The following TRIM25 variants were observed in gnomAD, a reference collection of about 807,000 sequenced individuals.
The protein encoded by TRIM25 is tripartite motif containing 25.
TRIM25 carries 45 observed loss-of-function variants against 65.2 expected under a neutral mutation model. The ratio of observed to expected loss-of-function variants is 0.69; its 90% CI spans 0.54 to 0.89. TRIM25 has a LOEUF of 0.89. Among genes scored for constraint, TRIM25 ranks in the 40% least tolerant of loss-of-function variants. The pLI is 0.00. For missense variants in TRIM25, 714 were observed against 803.7 expected (o/e 0.89, Z 1.35); for synonymous variants, 321 against 340.4 (o/e 0.94, Z 0.63).
chr17:56,896,087 C>T, intron 5 of TRIM25, 135 bp from the exon 6 acceptor site: 1 of 981,478 alleles, frequency 1.0e-6, no homozygotes, highest in Non-Finnish European at 1.5e-6. Context: ...CAGAAGGAGT[C>T]AGCAGGCAAA....
Position 56,901,454 on chromosome 17 carries a change from C to A in TRIM25, c.1052G>T (p.Cys351Phe). The A allele has an allele frequency of 6.2e-7, 1 of 1,614,128 alleles. No individual in the cohort carries two copies. The change falls in exon 4 of 9, where the codon TGC (cysteine) becomes TTC (phenylalanine). Residue 351 changes from cysteine (C) to phenylalanine (F), a missense_variant. Around this residue, in one of 3 missense-constraint regions of TRIM25, gnomAD observed 413 missense variants for 498.2 expected, o/e 0.83. Coordinates refer to ENST00000316881, the MANE Select transcript of TRIM25 (RefSeq NM_005082.5). ...GGTGGGCTCCTGGAGCCGCCCGATGCACTGCTTCAGCTCGTTTTTGAGGTC... is the reference window on the plus strand; with the variant it reads ...GGTGGGCTCCTGGAGCCGCCCGATGAACTGCTTCAGCTCGTTTTTGAGGTC... ...TIDLKNELKQ[C>F]IGRLQEPTPS... is the part of the protein sequence containing the mutation.
At chr17:56,897,389 C>A (rs767167854) in intron 5 of TRIM25, among the ~76,000 whole-genome samples, 9 of 151,864 alleles carry the variant, frequency 5.9e-5, no homozygotes, top group South Asian at 2.1e-4. Context: ...CTCCCCCAGA[C>A]CCCCATCACA....
In TRIM25 at chr17:56,895,965, G is replaced by A. The variant is rs1236460456; in HGVS notation, c.1154-13C>T. 1.2e-6 allele frequency: 2 copies of A among 1,610,712 alleles called. No individual in the cohort carries two copies. Among genetic ancestry groups the A allele is most frequent in the South Asian group, 1.1e-5 (1 of 90,100 alleles). ...TTCTTTTCCTCTTCTGCAAAAGAAA[G>A]TTTTCAGATTTAATTTCTTTTAAGG... On this transcript the variant is annotated splice_polypyrimidine_tract_variant and intron_variant, in intron 5 of 8. Transcript: ENST00000316881.
chr17:56,890,696 G>C lies in TRIM25; in HGVS notation c.*1004C>G. On this transcript the variant is annotated 3_prime_UTR_variant, in exon 9 of 9. Transcript: ENST00000316881. ...TGCTAGCCTCGGTGGTACCTGCACT[G>C]TCATTCCATATGTCACAATCCAGGG... The C allele has an allele frequency of 2.2e-6, 1 of 456,546 alleles. No homozygotes were observed. The highest frequency in any genetic ancestry group is 4.4e-6 in the Non-Finnish European group (1 of 226,924). The allele number at this position is 456,546 out of a possible 1,614,324, so 28.3% of individuals were successfully genotyped here. A position where few individuals can be genotyped will look rare whatever the true frequency, so the allele number is the denominator to read the frequency against.
At chr17:56,894,481 C>T (rs1200763168) in intron 8 of TRIM25, among the ~76,000 whole-genome samples, 2 of 152,202 alleles carry the variant, frequency 1.3e-5, no homozygotes, top group African/African-American at 2.4e-5. Flanking sequence ...AACTCCTGAC[C>T]TCAGGTGATC....
chr17:56,903,426 A>T (rs2144357789), intron 3 of TRIM25, among the ~76,000 whole-genome samples: 1 of 152,156 alleles, frequency 6.6e-6, no homozygotes, highest in Middle Eastern at 3.4e-3. Context: ...TAAATAAATA[A>T]CTCAGTCTTA....
chr17:56,911,347 C>T (rs60854569), intron 1 of TRIM25, among the ~76,000 whole-genome samples: 6,029 of 151,540 alleles, frequency 0.04, 411 homozygotes, highest in African/African-American at 0.14. Flanking sequence ...TTTGGGAGGC[C>T]GAGGCGGGTG....
At position 56,908,511 on chromosome 17, in the gene TRIM25, G is replaced by C; in HGVS notation, c.650C>G (p.Ser217Trp). 6.2e-7 allele frequency: 1 copy of C among 1,614,008 alleles called. No individual in the cohort carries two copies. The highest frequency in any genetic ancestry group is 8.5e-7 in the Non-Finnish European group (1 of 1,180,032). The change falls in exon 2 of 9, where the codon TCG (serine) becomes TGG (tryptophan). Residue 217 changes from serine to tryptophan, a missense_variant. Ser to Trp is a radical substitution (Grantham distance 177). Coordinates refer to ENST00000316881, the MANE Select transcript of TRIM25 (RefSeq NM_005082.5). ...TVMYSQINGA[S>W]RALDDVRNRQ... Reference sequence around the variant, plus strand: ...GTTTCTCACATCATCCAGTGCTCTCGACGCCCCGTTGATCTGACTGTACAT... The same window carrying C: ...GTTTCTCACATCATCCAGTGCTCTCCACGCCCCGTTGATCTGACTGTACAT...
chr17:56,888,081 T>G lies in TRIM25; in HGVS notation c.*3619A>C, dbSNP rs899200068. 2 of 152,304 alleles carry G rather than the reference T, an allele frequency of 1.3e-5. No homozygotes were observed. Among genetic ancestry groups the G allele is most frequent in the African/African-American group, 4.8e-5 (2 of 41,462 alleles). The allele number at this position is 152,304 out of a possible 1,614,324, so 9.4% of individuals were successfully genotyped here. On this transcript the variant is annotated 3_prime_UTR_variant, in exon 9 of 9. Coordinates refer to ENST00000316881, the MANE Select transcript of TRIM25 (RefSeq NM_005082.5). ...CACAGCTTCACCACCCAGGAAGCTATGCTGAGCTTTAGTGTCCAGAGTTTT... is the reference window on the plus strand; with the variant it reads ...CACAGCTTCACCACCCAGGAAGCTAGGCTGAGCTTTAGTGTCCAGAGTTTT...
At chr17:56,909,586 G>A (rs1909587488) in intron 1 of TRIM25, among the ~76,000 whole-genome samples, 1 of 151,720 alleles carries the variant, frequency 6.6e-6, no homozygotes, top group Non-Finnish European at 1.5e-5. Context: ...TTAGGGGGCT[G>A]AGGCAGGAGG....
In TRIM25 at chr17:56,888,763, T is replaced by G. The variant is rs1909108688; in HGVS notation, c.*2937A>C. The G allele has an allele frequency of 1.3e-5, 2 of 152,190 alleles. No individual in the cohort carries two copies. Among genetic ancestry groups the G allele is most frequent in the South Asian group, 4.1e-4 (2 of 4,830 alleles). The allele number at this position is 152,190 out of a possible 1,614,324, so 9.4% of individuals were successfully genotyped here. On this transcript the variant is annotated 3_prime_UTR_variant, in exon 9 of 9. Coordinates refer to ENST00000316881, the MANE Select transcript of TRIM25 (RefSeq NM_005082.5). Reference sequence around the variant, plus strand: ...ACTCTATATAGGGCAGGACTAAGTGTGCTGGCTATAGGTCTGCAGAAATCT... The same window carrying G: ...ACTCTATATAGGGCAGGACTAAGTGGGCTGGCTATAGGTCTGCAGAAATCT...
In TRIM25 at chr17:56,891,846, A is replaced by T; in HGVS notation, c.1747T>A (p.Cys583Ser). Residue 583 changes from cysteine (C) to serine (S), a missense_variant, in exon 9 of 9, where the codon TGT becomes AGT. Coordinates refer to ENST00000316881, the MANE Select transcript of TRIM25 (RefSeq NM_005082.5). The stretch of plus-strand genomic sequence containing the variant: ...AAGAAGATGACAAAGCCGTGGTCAC[A>T]GTTGAGAAGCACGCCCACCCGCGTG... ...KATRVGVLLN[C>S]DHGFVIFFAV... 6.2e-7 allele frequency: 1 copy of T among 1,614,260 alleles called. No individual in the cohort carries two copies. Among genetic ancestry groups the T allele is most frequent in the Non-Finnish European group, 8.5e-7 (1 of 1,180,036 alleles).
chr17:56,913,141 A>C lies in TRIM25; in HGVS notation c.597+251T>G, dbSNP rs937478650. On this transcript the variant is annotated intron_variant, in intron 1 of 8. Coordinates refer to ENST00000316881, the MANE Select transcript of TRIM25 (RefSeq NM_005082.5). The surrounding 1 kb of genome is among the most constrained non-coding windows in gnomAD (Gnocchi z 6.1). ...GGTGAGAGGGACGAGACCCTGTCTC[A>C]AAAAAATAAAAATAAACACCATCAG... The C allele has an allele frequency of 2.8e-6, 1 of 360,748 alleles. No individual in the cohort carries two copies. The highest frequency in any genetic ancestry group is 4.9e-6 in the Non-Finnish European group (1 of 202,426). The allele number at this position is 360,748 out of a possible 1,614,324, so 22.3% of individuals were successfully genotyped here. A position where few individuals can be genotyped will look rare whatever the true frequency, so the allele number is the denominator to read the frequency against.
At chr17:56,895,752 A>G (rs1567838605) in intron 6 of TRIM25, 148 bp from the exon 7 acceptor site, 1 of 1,167,082 alleles carries the variant, frequency 8.6e-7, no homozygotes, top group Non-Finnish European at 1.2e-6. Context: ...CACCTTATTC[A>G]TCTCACTTAT....
intron 5 of TRIM25, 149 bp downstream of exon 5, chr17:56,898,966 A>G (rs1909354384): frequency 2.6e-6 from 2 of 781,110 alleles, no homozygotes; most frequent in Admixed American, 2.4e-5. Context: ...ACAGCCCTAC[A>G]GCCCCCCGCA....
chr17:56,890,024 C>G lies in TRIM25; in HGVS notation c.*1676G>C, dbSNP rs1909136166. ...TCAGGTGTGTAGCTGTCAGGAATAT[C>G]AAGTGTTCTGAGCCTGCCTAGAGTG... On this transcript the variant is annotated 3_prime_UTR_variant, in exon 9 of 9. Transcript: ENST00000316881. The G allele has an allele frequency of 2.5e-6, 1 of 402,576 alleles. No individual in the cohort carries two copies. Among genetic ancestry groups the G allele is most frequent in the East Asian group, 3.6e-5 (1 of 27,930 alleles). The allele number at this position is 402,576 out of a possible 1,614,324, so 24.9% of individuals were successfully genotyped here.
At chr17:56,911,127 G>C (rs1263712593) in intron 1 of TRIM25, among the ~76,000 whole-genome samples, 1 of 151,972 alleles carries the variant, frequency 6.6e-6, no homozygotes, top group South Asian at 2.1e-4. Context: ...ATATTAGCTG[G>C]GTGTGGTGGT....
chr17:56,889,996 A>T lies in TRIM25; in HGVS notation c.*1704T>A, dbSNP rs917515855. 6 of 402,702 alleles carry T rather than the reference A, an allele frequency of 1.5e-5. No individual in the cohort carries two copies. The highest frequency in any genetic ancestry group is 1.2e-4 in the African/African-American group (6 of 48,590). The allele number at this position is 402,702 out of a possible 1,614,324, so 24.9% of individuals were successfully genotyped here. ...TGACACCGATCAGGTATGTACCTGCATGTCAGGTGTGTAGCTGTCAGGAAT... is the reference window on the plus strand; with the variant it reads ...TGACACCGATCAGGTATGTACCTGCTTGTCAGGTGTGTAGCTGTCAGGAAT... On this transcript the variant is annotated 3_prime_UTR_variant, in exon 9 of 9. Coordinates refer to ENST00000316881, the MANE Select transcript of TRIM25 (RefSeq NM_005082.5).
chr17:56,903,274 C>T (rs1369378689), intron 3 of TRIM25, among the ~76,000 whole-genome samples: 4 of 152,148 alleles, frequency 2.6e-5, no homozygotes, highest in African/African-American at 7.2e-5. Context: ...GTGGCGTGCG[C>T]CTGTAATCCC....
Sources: allele counts gnomAD v4.1 joint callset (sites outside exome capture counted in the v4.1 genomes callset), GRCh38; gene constraint gnomAD v4.1.1; regional missense constraint gnomAD v4.1.1; non-coding constraint Gnocchi (gnomAD v3.1); transcripts MANE v1.5; gene names NCBI Gene and HGNC (gene_info 2026-07-23, HGNC 2026-07-21).